SIRT2: variants seen among roughly 807,000 people sequenced by gnomAD.
SIRT2 encodes the protein sirtuin 2.
A neutral mutation model predicts 57.4 loss-of-function variants in SIRT2; 40 were observed. The ratio of observed to expected loss-of-function variants is 0.70; its 90% confidence interval spans 0.54 to 0.91. The LOEUF (loss-of-function observed/expected upper bound fraction) is 0.91, where lower values mean the gene tolerates loss of function less well. Ranked by LOEUF, SIRT2 falls within the 40% of genes least tolerant of loss-of-function variation. The probability of loss-of-function intolerance (pLI) is 0.00; values close to 1 mark genes in which losing one functional copy is unlikely to be tolerated. For missense variants in SIRT2, 439 were observed against 510.4 expected (o/e 0.86, Z 1.35); for synonymous variants, 161 against 195.7 (o/e 0.82, Z 1.48).
intron 2 of SIRT2, chr19:38,894,866 TC>T (rs1452920097): frequency 2.2e-6 from 1 of 456,014 alleles, no homozygotes; most frequent in African/African-American, 2.0e-5. Flanking sequence ...CTCTGCCTCG[TC>T]ACTCATGATA....
At chr19:38,892,762 G>A (rs1455973903) in intron 4 of SIRT2, among the ~76,000 whole-genome samples, 2 of 150,334 alleles carry the variant, frequency 1.3e-5, no homozygotes, top group Non-Finnish European at 2.9e-5. Context: ...TGTAGAGATG[G>A]CGGGGGGGTC....
intron 8 of SIRT2, among the ~76,000 whole-genome samples, chr19:38,883,961 C>G (rs1168176546): frequency 6.6e-6 from 1 of 152,156 alleles, no homozygotes; most frequent in Non-Finnish European, 1.5e-5. Context: ...ACAGTCAAGG[C>G]TGCTTAAAGG....
chr19:38,899,541 T>C lies in SIRT2; in HGVS notation c.-20A>G. 6.2e-7 allele frequency: 1 copy of C among 1,613,772 alleles called. No homozygotes were observed. Among genetic ancestry groups the C allele is most frequent in the Non-Finnish European group, 8.5e-7 (1 of 1,179,962 alleles). Reference sequence around the variant, plus strand: ...TGCCATGGGCGCGGTGCTGAAGCCCTTGAGGCTGTCACCGACCGCTCTGTC... The same window carrying C: ...TGCCATGGGCGCGGTGCTGAAGCCCCTGAGGCTGTCACCGACCGCTCTGTC... On this transcript the variant is annotated 5_prime_UTR_variant, in exon 1 of 16. Coordinates refer to ENST00000249396, the MANE Select transcript of SIRT2 (RefSeq NM_012237.4).
rs574859331 is a variant in SIRT2 at position 38,879,935 on chromosome 19, C to T, written c.877-233G>A. On this transcript the variant is annotated intron_variant, in intron 13 of 15. Transcript: ENST00000249396. ...CCACCTCCTGGGTTCAAGTGATTCT[C>T]CCGCCTCAACCTCCCGAGTAGCCTG... 2.9e-4 allele frequency: 152 copies of T among 532,680 alleles called. 2 individuals carry two copies. The South Asian group carries it at 3.5e-3, about 12-fold the overall frequency. The allele number at this position is 532,680 out of a possible 1,614,324, so 33.0% of individuals were successfully genotyped here. A position where few individuals can be genotyped will look rare whatever the true frequency, so the allele number is the denominator to read the frequency against.
At position 38,890,124 on chromosome 19, in the gene SIRT2, CCAAA is replaced by C; in HGVS notation, c.243_246del (p.Cys81TrpfsTer26). On this transcript the variant is annotated frameshift_variant, in exon 5 of 16. Transcript: ENST00000249396. LOFTEE classifies it high-confidence loss of function. ...TTACATGTGGAGATTCCAGCTCCCACCAAACAGATGACTCTGCGACCTGGAGGAG... is the reference window on the plus strand; with the variant it reads ...TTACATGTGGAGATTCCAGCTCCCACCAGATGACTCTGCGACCTGGAGGAG... 6.2e-7 allele frequency: 1 copy of C among 1,614,212 alleles called. No homozygotes were observed. Among genetic ancestry groups the C allele is most frequent in the South Asian group, 1.1e-5 (1 of 91,084 alleles).
intron 9 of SIRT2, among the ~76,000 whole-genome samples, chr19:38,882,713 CCATT>C (rs1413682138): frequency 1.9e-5 from 1 of 52,666 alleles, no homozygotes; most frequent in Non-Finnish European, 4.2e-5. Flanking sequence ...GCTCAACTGT[CCATT>C]CATTCATTCA....
chr19:38,881,182 G>C, intron 10 of SIRT2, 27 bp from the exon 11 acceptor site: 1 of 1,607,634 alleles, frequency 6.2e-7, no homozygotes, highest in Non-Finnish European at 8.5e-7. Context: ...TGGACGGACA[G>C]AGACAGTGAC....
rs772571858 is a variant in SIRT2, at chr19:38,880,661, G to A, written c.876+24C>T. ...GAGGGAAGGGGGAGCCTGTGACGAC[G>A]GGGGCTTGAAGAAGGGCTCTTACCT... On this transcript the variant is annotated intron_variant, in intron 13 of 15. Coordinates refer to ENST00000249396, the MANE Select transcript of SIRT2 (RefSeq NM_012237.4). The surrounding 1 kb of genome is among the most constrained non-coding windows in gnomAD (Gnocchi z 4.1). The A allele has an allele frequency of 8.5e-6, 13 of 1,525,884 alleles. No homozygotes were observed. The highest frequency in any genetic ancestry group is 6.2e-5 in the Admixed American group (3 of 48,094). The allele number at this position is 1,525,884 out of a possible 1,614,324, so 94.5% of individuals were successfully genotyped here.
Position 38,878,886 on chromosome 19 carries a change from G to A in SIRT2, c.*269C>T, listed in dbSNP as rs201479158. Reference sequence around the variant, plus strand: ...TGGCCCCGTGGGGGCAGTTAGAGATGAGGGAGGTTACTCCTTAGCCCAGGA... The same window carrying A: ...TGGCCCCGTGGGGGCAGTTAGAGATAAGGGAGGTTACTCCTTAGCCCAGGA... On this transcript the variant is annotated 3_prime_UTR_variant, in exon 16 of 16. Coordinates refer to ENST00000249396, the MANE Select transcript of SIRT2 (RefSeq NM_012237.4). 19 of 394,394 alleles carry A rather than the reference G, an allele frequency of 4.8e-5. No homozygotes were observed. The East Asian group carries it at 7.6e-4, about 16-fold the overall frequency. The allele number at this position is 394,394 out of a possible 1,614,324, so 24.4% of individuals were successfully genotyped here.
intron 1 of SIRT2, 59 bp from the exon 2 acceptor site, chr19:38,898,484 G>A (rs1248481181): frequency 1.5e-5 from 16 of 1,044,104 alleles, no homozygotes; most frequent in Non-Finnish European, 1.9e-5. Context: ...GGGAATAAAG[G>A]GGTTCAAATG....
intron 9 of SIRT2, among the ~76,000 whole-genome samples, chr19:38,882,164 C>T (rs1973174790): frequency 6.6e-6 from 1 of 151,580 alleles, no homozygotes; most frequent in Non-Finnish European, 1.5e-5. Flanking sequence ...TCACAGGCAT[C>T]CACCATCGCA....
chr19:38,885,585 C>T (rs531942902), intron 8 of SIRT2, among the ~76,000 whole-genome samples: 14 of 142,628 alleles, frequency 9.8e-5, no homozygotes, highest in Non-Finnish European at 1.5e-4. Context: ...CGCCACCATG[C>T]GTGGCTATTT....
chr19:38,884,264 T>C (rs572484934), intron 8 of SIRT2, among the ~76,000 whole-genome samples: 37 of 152,298 alleles, frequency 2.4e-4, no homozygotes, highest in African/African-American at 8.2e-4. Context: ...GCCAGATGCT[T>C]TATTTCCACC....
rs201465010 is a variant in SIRT2, at chr19:38,883,652, G to A, written c.606C>T (p.His202=). Residue 202 remains histidine, a synonymous_variant, in exon 9 of 16, where the codon CAC becomes CAT. Coordinates refer to ENST00000249396, the MANE Select transcript of SIRT2 (RefSeq NM_012237.4). ...TSHCVSASCR[H]EYPLSWMKEK... Reference sequence around the variant, plus strand: ...CTTTCATCCAGCTTAGCGGGTATTCGTGCCGGCAGCTGGCGCTGACGCAGT... The same window carrying A: ...CTTTCATCCAGCTTAGCGGGTATTCATGCCGGCAGCTGGCGCTGACGCAGT... 6.9e-5 allele frequency: 112 copies of A among 1,614,054 alleles called. No homozygotes were observed. The South Asian group carries it at 8.8e-4, about 13-fold the overall frequency.
In SIRT2 at chr19:38,889,758, C is replaced by T. The variant is rs767454073; in HGVS notation, c.376-13G>A. The T allele has an allele frequency of 6.2e-7, 1 of 1,614,072 alleles. No individual in the cohort carries two copies. The highest frequency in any genetic ancestry group is 1.3e-5 in the African/African-American group (1 of 74,928). On this transcript the variant is annotated splice_polypyrimidine_tract_variant and intron_variant, in intron 6 of 15. Transcript: ENST00000249396. ...GTTCCGGATGTTTCTGTAGGAGAGA[C>T]AGCCAGAGGGCCAGATGCCCCAGGT...
At chr19:38,890,355 A>G (rs976466875) in intron 4 of SIRT2, among the ~76,000 whole-genome samples, 1 of 152,222 alleles carries the variant, frequency 6.6e-6, no homozygotes, top group Non-Finnish European at 1.5e-5. Flanking sequence ...TAGGGGAAGA[A>G]GTCACACAAT....
intron 8 of SIRT2, among the ~76,000 whole-genome samples, chr19:38,884,460 G>T (rs10425800): frequency 0.49 from 73,764 of 149,720 alleles, 19,420 homozygotes; most frequent in East Asian, 0.7. Context: ...TTGTTTGTTT[G>T]TTTTTTGAGA....
In SIRT2 at chr19:38,878,791, C is replaced by T. The variant is rs11551761; in HGVS notation, c.*364G>A. The T allele has an allele frequency of 5.7e-5, 11 of 194,160 alleles. No individual in the cohort carries two copies. The highest frequency in any genetic ancestry group is 1.3e-4 in the East Asian group (1 of 7,460). 12.0% of individuals were successfully genotyped at this position (194,160 alleles called of 1,614,324 possible). On this transcript the variant is annotated 3_prime_UTR_variant, in exon 16 of 16. Transcript: ENST00000249396. ...TATGGTTTACTTAGCCACAGGCCCC[C>T]GGGGGCAGGAGACAGAGTGGGGGCC...
rs372301365 is a variant in SIRT2, at chr19:38,880,930, G to A, written c.748-33C>T. ...GAGGGGCGTGAGCTTGGGAGCCTCC[G>A]CCCAGGCTGCGCCACCGCTCCCTCC... On this transcript the variant is annotated intron_variant, in intron 11 of 15. Transcript: ENST00000249396. The surrounding 1 kb of genome is among the most constrained non-coding windows in gnomAD (Gnocchi z 4.1). The A allele has an allele frequency of 6.9e-6, 11 of 1,599,874 alleles. No individual in the cohort carries two copies. The highest frequency in any genetic ancestry group is 5.4e-5 in the African/African-American group (4 of 74,560).
Sources: allele counts gnomAD v4.1 joint callset (sites outside exome capture counted in the v4.1 genomes callset), GRCh38; gene constraint gnomAD v4.1.1; non-coding constraint Gnocchi (gnomAD v3.1); transcripts MANE v1.5; gene names NCBI Gene and HGNC (gene_info 2026-07-23, HGNC 2026-07-21).